Variants in LTBP1 observed in about 807,000 individuals in gnomAD.
The protein encoded by LTBP1 is latent transforming growth factor beta binding protein 1, also known as latent-transforming growth factor beta-binding protein 1.
A neutral mutation model predicts 207.6 loss-of-function variants in LTBP1; 129 were observed. The ratio of observed to expected loss-of-function variants is 0.62; its 90% CI spans 0.54 to 0.72. LTBP1 has a LOEUF of 0.72. Among genes scored for constraint, LTBP1 ranks in the 30% least tolerant of loss-of-function variants. LTBP1 has a pLI of 0.00. For synonymous variants in LTBP1, 963 were observed against 833.7 expected, an observed-to-expected ratio of 1.16 and a Z score of -2.67; for missense variants, 2,281 against 2,217.2, an observed-to-expected ratio of 1.03 and a Z score of -0.58.
intron 9 of LTBP1, among the ~76,000 whole-genome samples, chr2:33,224,179 C>G (rs1012765466): frequency 6.6e-6 from 1 of 152,174 alleles, no homozygotes; most frequent in Non-Finnish European, 1.5e-5. Flanking sequence ...ATCAGATCAC[C>G]TCTGTGGACA....
At chr2:33,170,743 T>A (rs1466960663) in intron 5 of LTBP1, among the ~76,000 whole-genome samples, 1 of 122,222 alleles carries the variant, frequency 8.2e-6, no homozygotes, top group Non-Finnish European at 1.9e-5. Context: ...CCGAGCAGCC[T>A]AACTGGGAGG....
rs967769506 is a variant in LTBP1 at position 33,293,993 on chromosome 2, G to A, written c.3235+711G>A. Among the ~76,000 whole-genome samples, 11 of 83,114 alleles carry A rather than the reference G, an allele frequency of 1.3e-4. 1 individual carries two copies. The highest frequency in any genetic ancestry group is 4.8e-4 in the African/African-American group (10 of 20,712). 54.5% of individuals were successfully genotyped at this position (83,114 alleles called of 152,430 possible). A position where few individuals can be genotyped will look rare whatever the true frequency, so the allele number is the denominator to read the frequency against. On this transcript the variant is annotated intron_variant, in intron 20 of 33. Coordinates refer to ENST00000404816, the MANE Select transcript of LTBP1 (RefSeq NM_206943.4). ...TCATTAGTGAACAAAACTGGTACAG[G>A]TCTTTTTTTTTTTTTTTTTTTTTTT... is the stretch of plus-strand genomic sequence containing the variant.
At chr2:33,061,007 G>T (rs2077245168) in intron 3 of LTBP1, among the ~76,000 whole-genome samples, 1 of 151,922 alleles carries the variant, frequency 6.6e-6, no homozygotes, top group Non-Finnish European at 1.5e-5. Context: ...AGGATGTTTT[G>T]CCTGGTACTG....
chr2:33,155,158 C>CATT (rs1009704726), intron 5 of LTBP1, among the ~76,000 whole-genome samples: 32 of 152,096 alleles, frequency 2.1e-4, no homozygotes, highest in African/African-American at 7.2e-4. Flanking sequence ...AGATTATTAT[C>CATT]ATTATTATTA....
intron 1 of LTBP1, among the ~76,000 whole-genome samples, chr2:32,948,370 A>G (rs1317425009): frequency 6.6e-6 from 1 of 151,990 alleles, no homozygotes; most frequent in Non-Finnish European, 1.5e-5. Flanking sequence ...TTTGGTTGGA[A>G]TGTTTCTGTT....
rs977692592 is a variant in LTBP1, at chr2:32,975,111, G to A, written c.565+26166G>A. 1.1e-4 allele frequency among the ~76,000 whole-genome samples: 17 copies of A among 152,260 alleles called. No individual in the cohort carries two copies. The East Asian group carries it at 3.3e-3, about 29-fold the overall frequency. On this transcript the variant is annotated intron_variant, in intron 2 of 33. Coordinates refer to ENST00000404816, the MANE Select transcript of LTBP1 (RefSeq NM_206943.4). ...TTTAGCATTTGCTTATTTGAAAAGG[G>A]TCTTATTTCTTCTTTGCGTATGATG...
chr2:33,289,656 A>G (rs115922333), intron 19 of LTBP1, among the ~76,000 whole-genome samples: 2,256 of 152,350 alleles, frequency 0.015, 26 homozygotes, highest in Admixed American at 0.021. Flanking sequence ...AAGAGCCACC[A>G]CACCTGGCTA....
chr2:33,290,432 T>C (rs2093752051), intron 19 of LTBP1, among the ~76,000 whole-genome samples: 1 of 152,202 alleles, frequency 6.6e-6, no homozygotes, highest in Admixed American at 6.5e-5. Context: ...GTTTGTGTCC[T>C]TGACTAAACT....
chr2:33,113,316 C>T (rs572041450), intron 4 of LTBP1, among the ~76,000 whole-genome samples: 157 of 152,266 alleles, frequency 1.0e-3, no homozygotes, highest in African/African-American at 3.7e-3. Flanking sequence ...AGACAGTAGT[C>T]TACAAGCCCA....
At chr2:33,164,105 C>T (rs930808458) in intron 5 of LTBP1, among the ~76,000 whole-genome samples, 1 of 151,694 alleles carries the variant, frequency 6.6e-6, no homozygotes, top group African/African-American at 2.4e-5. Context: ...AATCCCAGCA[C>T]TTTGGGAGGC....
At chr2:33,314,104 G>T (rs566076790) in intron 23 of LTBP1, among the ~76,000 whole-genome samples, 39 of 152,146 alleles carry the variant, frequency 2.6e-4, no homozygotes, top group Non-Finnish European at 4.1e-4. Flanking sequence ...GCATAAAGTC[G>T]ACAACACAAG....
At chr2:33,392,662 T>C (rs1415805207) in intron 32 of LTBP1, among the ~76,000 whole-genome samples, 1 of 152,228 alleles carries the variant, frequency 6.6e-6, no homozygotes, top group African/African-American at 2.4e-5. Flanking sequence ...TGTCCTGACC[T>C]GTTTTAGAGT....
intron 3 of LTBP1, among the ~76,000 whole-genome samples, chr2:33,103,586 CGT>C (rs71407500): frequency 0.082 from 9,662 of 118,122 alleles, 588 homozygotes; most frequent in East Asian, 0.38. Context: ...TCTCCGTTTA[CGT>C]GTGTGTGTGT....
chr2:33,020,792 T>G, intron 2 of LTBP1, 117 bp from the exon 3 acceptor site: 2 of 983,766 alleles, frequency 2.0e-6, no homozygotes, highest in Non-Finnish European at 3.0e-6. Context: ...CTTATGAGTA[T>G]TTGTGTGGTT....
At chr2:32,959,577 ATATG>A (rs1184867337) in intron 2 of LTBP1, among the ~76,000 whole-genome samples, 6 of 93,828 alleles carry the variant, frequency 6.4e-5, no homozygotes, top group African/African-American at 2.2e-4. Flanking sequence ...GTGTGTATGT[ATATG>A]TATATATATG....
chr2:33,057,474 G>A (rs952434613), intron 3 of LTBP1, among the ~76,000 whole-genome samples: 3 of 152,248 alleles, frequency 2.0e-5, no homozygotes, highest in Non-Finnish European at 4.4e-5. Flanking sequence ...CCGTGGAGCA[G>A]GGGGCAGCTC....
chr2:33,220,008 T>G (rs1465846179), intron 8 of LTBP1, among the ~76,000 whole-genome samples: 1 of 152,214 alleles, frequency 6.6e-6, no homozygotes, highest in Non-Finnish European at 1.5e-5. Flanking sequence ...AATGTGAAAG[T>G]GCAAAGTTGC....
At chr2:33,160,998 T>C (rs1251782434) in intron 5 of LTBP1, among the ~76,000 whole-genome samples, 1 of 152,142 alleles carries the variant, frequency 6.6e-6, no homozygotes, top group African/African-American at 2.4e-5. Context: ...CCAGAAGTTA[T>C]TGGGACAATG....
intron 24 of LTBP1, among the ~76,000 whole-genome samples, chr2:33,334,916 A>ATT: frequency 6.6e-6 from 1 of 150,380 alleles, no homozygotes; most frequent in African/African-American, 2.5e-5. Context: ...TAAAAATTAA[A>ATT]AAAAAAAAAA....
Sources: gnomAD v4.1 joint callset for allele counts (sites outside exome capture counted in the v4.1 genomes callset) on GRCh38, gnomAD v4.1.1 for gene constraint, MANE v1.5 for transcripts, NCBI Gene and HGNC (gene_info 2026-07-23, HGNC 2026-07-21) for gene names.